Variants in DCST2 observed in about 807,000 individuals in gnomAD.
DCST2 encodes the protein DC-STAMP domain-containing protein 2.
DCST2 carries 64 observed loss-of-function variants against 81.8 expected under a neutral mutation model. That is an observed-to-expected ratio of 0.78 (90% CI 0.64 to 0.96). The LOEUF (loss-of-function observed/expected upper bound fraction) is 0.96. Ranked by LOEUF, DCST2 falls within the 40% of genes least tolerant of loss-of-function variation. The pLI is 0.00. For synonymous variants in DCST2, 354 were observed against 402.6 expected (o/e 0.88, Z 1.44); for missense variants, 945 against 1,001.4 (o/e 0.94, Z 0.76).
chr1:155,023,589 G>A (rs1289051630), intron 12 of DCST2, 132 bp from the exon 13 acceptor site: 2 of 1,546,484 alleles, frequency 1.3e-6, no homozygotes, highest in Non-Finnish European at 8.7e-7. Flanking sequence ...TGCACACTAG[G>A]GAGCTGCTGC....
intron 4 of DCST2, 95 bp from the exon 5 acceptor site, chr1:155,031,329 T>A (rs1459454987): frequency 2.3e-6 from 3 of 1,325,136 alleles, no homozygotes; most frequent in Non-Finnish European, 3.1e-6. Context: ...CTCTTTTCGA[T>A]TTTCCTATTG....
intron 6 of DCST2, 59 bp downstream of exon 6, chr1:155,030,373 G>T: frequency 6.3e-7 from 1 of 1,599,676 alleles, no homozygotes; most frequent in Non-Finnish European, 8.5e-7. Context: ...GCTGCTCCCT[G>T]CAGCCCTGGC....
In DCST2 at chr1:155,032,710, G is replaced by A. The variant is rs756815871; in HGVS notation, c.498C>T (p.Val166=). 1.1e-5 allele frequency: 17 copies of A among 1,614,008 alleles called. No individual in the cohort carries two copies. The South Asian group carries it at 1.6e-4, about 16-fold the overall frequency. The change falls in exon 3 of 15, where the codon GTC becomes GTT. Residue 166 remains valine (V), a synonymous_variant. Coordinates refer to ENST00000368424, the MANE Select transcript of DCST2 (RefSeq NM_144622.3). ...CCATGATTGACCGAAAGAACTTGCG[G>A]ACCCGGTCAGCCACCTCTTTGGTCT... The part of the protein sequence containing the change: ...ARKTKEVADR[V]RKFFRSIMDG...
In DCST2 at chr1:155,031,706, C is replaced by T. The variant is rs143867546; in HGVS notation, c.607G>A (p.Gly203Ser). The change falls in exon 4 of 15, where the codon GGC becomes AGC. Residue 203 changes from glycine to serine, a missense_variant. Physicochemically the swap from Gly to Ser is moderately conservative, Grantham distance 56. Transcript: ENST00000368424. ...HIGDVCNSEL[G>S]NPYLKCARVF... ...CGTGCACACTTCAGGTAAGGGTTGC[C>T]CAGTTCCGAGTTGCACACATCGCCG... 1,772 of 1,614,138 alleles carry T rather than the reference C, an allele frequency of 1.1e-3. 21 individuals are homozygous for T. The South Asian group carries it at 0.014, about 13-fold the overall frequency.
At chr1:155,018,783 G>A (rs777562744) in intron 14 of DCST2, 23 bp from the exon 15 acceptor site, 1 of 1,604,664 alleles carries the variant, frequency 6.2e-7, no homozygotes, top group South Asian at 1.1e-5. Flanking sequence ...GGAAGGGGGT[G>A]GCCGGATCAC....
Position 155,024,475 on chromosome 1 carries a change from C to A in DCST2, c.1739G>T (p.Ser580Ile). ...GHRSAFLVLA[S>I]RCPCLGPFVS... is the part of the protein sequence containing the mutation. ...ATAGAAAAGACAGTGGCCTCACCGA[C>A]TGGCCAGCACTAGGAAGGCACTTCT... Residue 580 changes from serine to isoleucine, a missense_variant, in exon 11 of 15, where the codon AGT (serine) becomes ATT (isoleucine). Ser to Ile is a moderately radical substitution (Grantham distance 142, BLOSUM62 -2). Coordinates refer to ENST00000368424, the MANE Select transcript of DCST2 (RefSeq NM_144622.3). 1 of 1,601,686 alleles carries A rather than the reference C, an allele frequency of 6.2e-7. No homozygotes were observed. Among genetic ancestry groups the A allele is most frequent in the Non-Finnish European group, 8.5e-7 (1 of 1,173,062 alleles).
Position 155,031,130 on chromosome 1 carries a change from A to T in DCST2, c.805+39T>A, listed in dbSNP as rs756543941. ...CACACCGGGATGAGGGAGGGAGACC[A>T]CTAGGGAGCACCATATGTGGCAGGA... is the stretch of plus-strand genomic sequence containing the variant. On this transcript the variant is annotated intron_variant, in intron 5 of 14. Transcript: ENST00000368424. 8.3e-6 allele frequency: 13 copies of T among 1,574,948 alleles called. No individual in the cohort carries two copies. In the Middle Eastern group the frequency reaches 6.8e-4, roughly 82 times the overall value.
At position 155,030,535 on chromosome 1, in the gene DCST2, T is replaced by C. The variant is rs1433018833; in HGVS notation, c.916A>G (p.Met306Val). 22 of 1,614,088 alleles carry C rather than the reference T, an allele frequency of 1.4e-5. No individual in the cohort carries two copies. The highest frequency in any genetic ancestry group is 1.8e-5 in the Non-Finnish European group (21 of 1,180,012). ...ATGCTGACAGCCTCGTGGAGGTCCA[T>C]GGCTACCTGGGACAGGCTCCGAGAG... is the stretch of plus-strand genomic sequence containing the variant. ...NASRSLSQVA[M>V]DLHEAVSMKL... is the part of the protein sequence containing the mutation. Residue 306 changes from methionine (M) to valine (V), a missense_variant, in exon 6 of 15, where the codon ATG (methionine) becomes GTG (valine). Coordinates refer to ENST00000368424, the MANE Select transcript of DCST2 (RefSeq NM_144622.3).
chr1:155,021,391 C>G (rs1331671746), intron 14 of DCST2, among the ~76,000 whole-genome samples: 1 of 151,944 alleles, frequency 6.6e-6, no homozygotes, highest in African/African-American at 2.4e-5. Context: ...CCCACCTCGG[C>G]CTCCCAAATT....
chr1:155,029,220 C>T lies in DCST2; in HGVS notation c.1342+13G>A, dbSNP rs779376162. On this transcript the variant is annotated intron_variant, in intron 8 of 14. Transcript: ENST00000368424. ...GTGGGTGAGTGGGAGGAGGCTGTCA[C>T]GTAGGCACTCACTGCGGGCCACAAT... 16 of 1,612,094 alleles carry T rather than the reference C, an allele frequency of 9.9e-6. No homozygotes were observed. The highest frequency in any genetic ancestry group is 4.5e-5 in the East Asian group (2 of 44,862).
At chr1:155,021,895 T>C (rs867805539) in intron 14 of DCST2, among the ~76,000 whole-genome samples, 2 of 149,040 alleles carry the variant, frequency 1.3e-5, no homozygotes, top group South Asian at 4.2e-4. Context: ...TGAGTCTCAC[T>C]CTATCATCCA....
At chr1:155,026,194 G>C in intron 10 of DCST2, 108 bp downstream of exon 10, 5 of 981,604 alleles carry the variant, frequency 5.1e-6, no homozygotes, top group South Asian at 4.5e-5. Context: ...AGAGGAGAGC[G>C]GGCTGGGGCT....
chr1:155,023,954 G>C lies in DCST2; in HGVS notation c.1748C>G (p.Pro583Arg), dbSNP rs1272716791. 2 of 1,612,630 alleles carry C rather than the reference G, an allele frequency of 1.2e-6. No individual in the cohort carries two copies. The highest frequency in any genetic ancestry group is 8.5e-7 in the Non-Finnish European group (1 of 1,179,638). The stretch of plus-strand genomic sequence containing the variant: ...GTGGCTGACAAATGGACCTAGGCAG[G>C]GGCACCTGAGAAAAGGGTCACAGAC... ...SAFLVLASRC[P>R]CLGPFVSHFW... The change falls in exon 12 of 15, where the codon CCC becomes CGC. Residue 583 changes from proline (P) to arginine (R), a missense_variant. Pro to Arg is a moderately radical substitution (Grantham distance 103, BLOSUM62 -2). Coordinates refer to ENST00000368424, the MANE Select transcript of DCST2 (RefSeq NM_144622.3).
intron 3 of DCST2, 26 bp from the exon 4 acceptor site, chr1:155,031,797 C>A: frequency 6.2e-7 from 1 of 1,610,360 alleles, no homozygotes; most frequent in Middle Eastern, 1.8e-4. Context: ...GGGTTGGCAC[C>A]CAGGGCTGGA....
chr1:155,033,515 C>T lies in DCST2; in HGVS notation c.187G>A (p.Ala63Thr). ...CCCATGCCCAGGCTAAGGAAGGCAG[C>T]CAAAGTGAGGGTGCCCACCAGGCAA... is the stretch of plus-strand genomic sequence containing the variant. Reference protein sequence around the residue: ...WGCLVGTLTLAAFLSLGMGFS... With the variant: ...WGCLVGTLTLTAFLSLGMGFS... The change falls in exon 1 of 15, where the codon GCT becomes ACT. Residue 63 changes from alanine (A) to threonine (T), a missense_variant. Physicochemically the swap from Ala to Thr is moderately conservative, Grantham distance 58. Transcript: ENST00000368424. 6.2e-7 allele frequency: 1 copy of T among 1,614,026 alleles called. No homozygotes were observed. Among genetic ancestry groups the T allele is most frequent in the South Asian group, 1.1e-5 (1 of 91,084 alleles).
Position 155,029,358 on chromosome 1 carries a change from A to G in DCST2, c.1217T>C (p.Ile406Thr). 6.2e-7 allele frequency: 1 copy of G among 1,614,102 alleles called. No individual in the cohort carries two copies. The highest frequency in any genetic ancestry group is 8.5e-7 in the Non-Finnish European group (1 of 1,180,002). The change falls in exon 8 of 15, where the codon ATT (isoleucine) becomes ACT (threonine). Residue 406 changes from isoleucine to threonine, a missense_variant. Coordinates refer to ENST00000368424, the MANE Select transcript of DCST2 (RefSeq NM_144622.3). ...TCGGATAAGGTTGAAGGTCTCCAGA[A>G]TGTAAAAAAACTTCTCCCATTGGGA... is the stretch of plus-strand genomic sequence containing the variant. Reference protein sequence around the residue: ...FLSQWEKFFYILETFNLIRHL... With the variant: ...FLSQWEKFFYTLETFNLIRHL...
chr1:155,033,221 C>G lies in DCST2; in HGVS notation c.312G>C (p.Val104=), dbSNP rs771031965. Residue 104 remains valine (V), a synonymous_variant, in exon 2 of 15, where the codon GTG becomes GTC. Coordinates refer to ENST00000368424, the MANE Select transcript of DCST2 (RefSeq NM_144622.3). ...GAGTGTTGGCACAAGGCCCTTGAAGCACCAACCCAAAAGCAGCCACCAACA... is the reference window on the plus strand; with the variant it reads ...GAGTGTTGGCACAAGGCCCTTGAAGGACCAACCCAAAAGCAGCCACCAACA... The part of the protein sequence containing the change: ...TLLLVAAFGL[V]LQGPCANTLR... 3.7e-6 allele frequency: 6 copies of G among 1,613,904 alleles called. No individual in the cohort carries two copies. The highest frequency in any genetic ancestry group is 5.1e-6 in the Non-Finnish European group (6 of 1,179,954).
At chr1:155,027,554 CTTTTTTTTTTTT>C (rs779621299) in intron 8 of DCST2, among the ~76,000 whole-genome samples, 11 of 64,020 alleles carry the variant, frequency 1.7e-4, no homozygotes, top group African/African-American at 7.3e-4. Flanking sequence ...TTTTTTACTT[CTTTTTTTTTTTT>C]TTTTTTTTTT....
chr1:155,023,088 C>T, intron 14 of DCST2, 29 bp downstream of exon 14: 1 of 1,603,652 alleles, frequency 6.2e-7, no homozygotes, highest in Non-Finnish European at 8.5e-7. Flanking sequence ...CTCACAATTC[C>T]CAGGTGCCAA....
Sources: gnomAD v4.1 joint callset for allele counts (sites outside exome capture counted in the v4.1 genomes callset) on GRCh38, gnomAD v4.1.1 for gene constraint, MANE v1.5 for transcripts, NCBI Gene and HGNC (gene_info 2026-07-23, HGNC 2026-07-21) for gene names.